Variants in MPEG1 observed in about 807,000 individuals in gnomAD.
MPEG1 encodes the protein macrophage expressed 1.
For missense variants in MPEG1, 876 were observed against 880.3 expected, an observed-to-expected ratio of 1.00 and a Z score of 0.06; for synonymous variants, 365 against 351.9, an observed-to-expected ratio of 1.04 and a Z score of -0.42.
Position 59,211,557 on chromosome 11 carries a change from G to A in MPEG1, c.1309C>T (p.Arg437Ter), listed in dbSNP as rs746216310. Residue 437 changes from arginine to a stop codon, truncating the protein, a stop_gained, in exon 1 of 1, where the codon CGA (arginine) becomes TGA (stop). Transcript: ENST00000361050. LOFTEE classifies it low-confidence loss of function (END_TRUNC). ...CAGAAGACGAGGAGAGTGCACTTTC[G>A]ATGACACTCCAGGTGGTTGTAACCC... is the stretch of plus-strand genomic sequence containing the variant. ...EEGYNHLECH[R>*]KCTLLVFCKT... is the part of the protein sequence containing the mutation. 1.2e-5 allele frequency: 20 copies of A among 1,613,878 alleles called. No homozygotes were observed. The highest frequency in any genetic ancestry group is 1.1e-4 in the East Asian group (5 of 44,894).
rs199723583 is a variant in MPEG1, at chr11:59,211,150, G to A, written c.1716C>T (p.Cys572=). Reference sequence around the variant, plus strand: ...CGGATTTGACGCAATAGGACACTTGGCATCCATCGCTGATGAGGGCTGGGT... The same window carrying A: ...CGGATTTGACGCAATAGGACACTTGACATCCATCGCTGATGAGGGCTGGGT... ...SQHPALISDG[C]QVSYCVKSGL... The change falls in exon 1 of 1, where the codon TGC becomes TGT. Residue 572 remains cysteine, a synonymous_variant. Transcript: ENST00000361050. 5 of 1,614,210 alleles carry A rather than the reference G, an allele frequency of 3.1e-6. No individual in the cohort carries two copies. Among genetic ancestry groups the A allele is most frequent in the Admixed American group, 1.7e-5 (1 of 60,028 alleles).
rs1020793835 is a variant in MPEG1, at chr11:59,208,943, A to G, written c.*1772T>C. ...AATGTAATGCATTAAAAGCCTGGGA[A>G]TTTGGGGCTATATTTTTCCTTTCTG... On this transcript the variant is annotated 3_prime_UTR_variant, in exon 1 of 1. Coordinates refer to ENST00000361050, the MANE Select transcript of MPEG1 (RefSeq NM_001039396.2). 2 of 152,218 alleles carry G rather than the reference A, an allele frequency of 1.3e-5. No individual in the cohort carries two copies. The highest frequency in any genetic ancestry group is 4.8e-5 in the African/African-American group (2 of 41,444). 9.4% of individuals were successfully genotyped at this position (152,218 alleles called of 1,614,324 possible).
rs758318206 is a variant in MPEG1, at chr11:59,211,539, C to T, written c.1327G>A (p.Val443Ile). Residue 443 changes from valine (V) to isoleucine (I), a missense_variant, in exon 1 of 1, where the codon GTC (valine) becomes ATC (isoleucine). By Grantham distance (29) the Val-to-Ile change is conservative. Transcript: ENST00000361050. ...LECHRKCTLL[V>I]FCKTVCEDVF... ...TCTTCACACACGGTCTTGCAGAAGA[C>T]GAGGAGAGTGCACTTTCGATGACAC... 1.2e-5 allele frequency: 20 copies of T among 1,614,150 alleles called. No homozygotes were observed. The highest frequency in any genetic ancestry group is 1.6e-4 in the Middle Eastern group (1 of 6,062).
chr11:59,211,567 C>A lies in MPEG1; in HGVS notation c.1299G>T (p.Leu433=). ...GGAGAGTGCACTTTCGATGACACTCCAGGTGGTTGTAACCCTCCTCGTGGA... is the reference window on the plus strand; with the variant it reads ...GGAGAGTGCACTTTCGATGACACTCAAGGTGGTTGTAACCCTCCTCGTGGA... ...SQIHEEGYNH[L]ECHRKCTLLV... is the part of the protein sequence containing the mutation. The change falls in exon 1 of 1, where the codon CTG becomes CTT. Residue 433 remains leucine (L), a synonymous_variant. Transcript: ENST00000361050. 2 of 1,614,230 alleles carry A rather than the reference C, an allele frequency of 1.2e-6. No individual in the cohort carries two copies. The highest frequency in any genetic ancestry group is 1.7e-6 in the Non-Finnish European group (2 of 1,180,046).
rs758026447 is a variant in MPEG1 at position 59,212,394 on chromosome 11, T to C, written c.472A>G (p.Thr158Ala). Reference sequence around the variant, plus strand: ...TCTAAAGTTGGGTTGATTTTGACTGTGTAGACGAGGTTTCTTACCTGAACT... The same window carrying C: ...TCTAAAGTTGGGTTGATTTTGACTGCGTAGACGAGGTTTCTTACCTGAACT... ...TRVQVRNLVY[T>A]VKINPTLELS... Residue 158 changes from threonine to alanine, a missense_variant, in exon 1 of 1, where the codon ACA (threonine) becomes GCA (alanine). By Grantham distance (58) the Thr-to-Ala change is moderately conservative. Coordinates refer to ENST00000361050, the MANE Select transcript of MPEG1 (RefSeq NM_001039396.2). The C allele has an allele frequency of 1.9e-6, 3 of 1,614,218 alleles. No homozygotes were observed. Among genetic ancestry groups the C allele is most frequent in the East Asian group, 2.2e-5 (1 of 44,888 alleles).
Position 59,210,797 on chromosome 11 carries a change from A to G in MPEG1, c.2069T>C (p.Ile690Thr). 1.2e-6 allele frequency: 2 copies of G among 1,614,104 alleles called. No individual in the cohort carries two copies. Among genetic ancestry groups the G allele is most frequent in the Non-Finnish European group, 1.7e-6 (2 of 1,180,026 alleles). Residue 690 changes from isoleucine (I) to threonine (T), a missense_variant, in exon 1 of 1, where the codon ATT becomes ACT. Ile to Thr is a moderately conservative substitution (Grantham distance 89). Transcript: ENST00000361050. ...TGGAACCAAACTCTGCCTTTCCTCAATTGCCTGATATGCTTTCTTCTTGAA... is the reference window on the plus strand; with the variant it reads ...TGGAACCAAACTCTGCCTTTCCTCAGTTGCCTGATATGCTTTCTTCTTGAA... ...RKFKKKAYQA[I>T]EERQSLVPGT... is the part of the protein sequence containing the mutation.
At position 59,211,279 on chromosome 11, in the gene MPEG1, G is replaced by T. The variant is rs201332555; in HGVS notation, c.1587C>A (p.Gly529=). The change falls in exon 1 of 1, where the codon GGC becomes GGA. Residue 529 remains glycine, a synonymous_variant. Coordinates refer to ENST00000361050, the MANE Select transcript of MPEG1 (RefSeq NM_001039396.2). The part of the protein sequence containing the change: ...ELGSRFAVPF[G]GFFSCTVGNP... ...TCCCAACTGTGCAGCTAAAGAACCC[G>T]CCAAAGGGGACCGCAAACCTGCTTC... 1.9e-6 allele frequency: 3 copies of T among 1,614,174 alleles called. No individual in the cohort carries two copies. Among genetic ancestry groups the T allele is most frequent in the Middle Eastern group, 3.3e-4 (2 of 6,062 alleles).
chr11:59,212,221 A>G lies in MPEG1; in HGVS notation c.645T>C (p.Leu215=). 6.2e-7 allele frequency: 1 copy of G among 1,613,910 alleles called. No individual in the cohort carries two copies. The highest frequency in any genetic ancestry group is 1.1e-5 in the South Asian group (1 of 91,088). ...AGGCCCTGAGGTGGTCCTCCTGAAT[A>G]AGAGCAGCCCCAGCGTCGACACTGG... ...VTTSVDAGAA[L]IQEDHLRASF... Residue 215 remains leucine (L), a synonymous_variant, in exon 1 of 1, where the codon CTT becomes CTC. Transcript: ENST00000361050.
In MPEG1 at chr11:59,210,534, T is replaced by G; in HGVS notation, c.*181A>C. On this transcript the variant is annotated 3_prime_UTR_variant, in exon 1 of 1. Transcript: ENST00000361050. ...TCACTTTTGCTTCTAGTCCCAACTG[T>G]TCCCTCTCCCCAATCCCAACCTTAT... is the stretch of plus-strand genomic sequence containing the variant. 1 of 610,096 alleles carries G rather than the reference T, an allele frequency of 1.6e-6. No homozygotes were observed. Among genetic ancestry groups the G allele is most frequent in the South Asian group, 2.1e-5 (1 of 46,572 alleles). The allele number at this position is 610,096 out of a possible 1,614,324, so 37.8% of individuals were successfully genotyped here. A position where few individuals can be genotyped will look rare whatever the true frequency, so the allele number is the denominator to read the frequency against.
In MPEG1 at chr11:59,211,556, C is replaced by T. The variant is rs571774631; in HGVS notation, c.1310G>A (p.Arg437Gln). 1.4e-5 allele frequency: 23 copies of T among 1,614,116 alleles called. 1 individual carries two copies. The highest frequency in any genetic ancestry group is 2.2e-5 in the South Asian group (2 of 91,072). Residue 437 changes from arginine to glutamine, a missense_variant, in exon 1 of 1, where the codon CGA becomes CAA. Physicochemically the swap from Arg to Gln is conservative, Grantham distance 43. Coordinates refer to ENST00000361050, the MANE Select transcript of MPEG1 (RefSeq NM_001039396.2). ...GCAGAAGACGAGGAGAGTGCACTTT[C>T]GATGACACTCCAGGTGGTTGTAACC... ...EEGYNHLECHRKCTLLVFCKT... is the reference protein window; with the variant it reads ...EEGYNHLECHQKCTLLVFCKT...
At position 59,211,318 on chromosome 11, in the gene MPEG1, C is replaced by G. The variant is rs777210006; in HGVS notation, c.1548G>C (p.Gln516His). 3 of 1,614,176 alleles carry G rather than the reference C, an allele frequency of 1.9e-6. No individual in the cohort carries two copies. The Admixed American group carries it at 5.0e-5, about 27-fold the overall frequency. The change falls in exon 1 of 1, where the codon CAG (glutamine) becomes CAC (histidine). Residue 516 changes from glutamine (Q) to histidine (H), a missense_variant. By Grantham distance (24) the Gln-to-His change is conservative. Coordinates refer to ENST00000361050, the MANE Select transcript of MPEG1 (RefSeq NM_001039396.2). ...LFENLKVCVS[Q>H]DYELGSRFAV... ...CAAACCTGCTTCCCAACTCATAGTC[C>G]TGAGAAACACATACCTTGAGGTTTT...
chr11:59,211,844 T>C lies in MPEG1; in HGVS notation c.1022A>G (p.Tyr341Cys), dbSNP rs1417448301. The change falls in exon 1 of 1, where the codon TAT (tyrosine) becomes TGT (cysteine). Residue 341 changes from tyrosine to cysteine, a missense_variant. Physicochemically the swap from Tyr to Cys is radical, Grantham distance 194. Coordinates refer to ENST00000361050, the MANE Select transcript of MPEG1 (RefSeq NM_001039396.2). ...SKTVETAVKR[Y>C]YTFNTYPGCT... ...GCCAGGGTAGGTGTTGAATGTATAA[T>C]AGCGCTTCACAGCAGTTTCCACTGT... The C allele has an allele frequency of 1.9e-6, 3 of 1,614,206 alleles. No homozygotes were observed. Among genetic ancestry groups the C allele is most frequent in the Non-Finnish European group, 2.5e-6 (3 of 1,180,034 alleles).
At position 59,212,533 on chromosome 11, in the gene MPEG1, G is replaced by A. The variant is rs1862909882; in HGVS notation, c.333C>T (p.Thr111=). 1.2e-6 allele frequency: 2 copies of A among 1,614,010 alleles called. No individual in the cohort carries two copies. Among genetic ancestry groups the A allele is most frequent in the Non-Finnish European group, 1.7e-6 (2 of 1,180,012 alleles). ...LESWANYQSS[T]SYSINTELSL... ...AGAGTTCTGTGTTGATGGAGTAGGA[G>A]GTGCTACTCTGGTAATTTGCCCAGG... The change falls in exon 1 of 1, where the codon ACC becomes ACT. Residue 111 remains threonine (T), a synonymous_variant. Transcript: ENST00000361050.
chr11:59,212,882 G>T lies in MPEG1; in HGVS notation c.-17C>A. 1 of 1,606,120 alleles carries T rather than the reference G, an allele frequency of 6.2e-7. No homozygotes were observed. Among genetic ancestry groups the T allele is most frequent in the Non-Finnish European group, 8.5e-7 (1 of 1,174,280 alleles). On this transcript the variant is annotated 5_prime_UTR_variant, in exon 1 of 1. It adds an upstream start codon to the 5' untranslated region. Coordinates refer to ENST00000361050, the MANE Select transcript of MPEG1 (RefSeq NM_001039396.2). ...GTTGTTCATGGCTCAGACAGCCCCA[G>T]CCACTCACCAGCCCTACACAGCGGC...
chr11:59,212,544 G>A lies in MPEG1; in HGVS notation c.322C>T (p.Gln108Ter). The change falls in exon 1 of 1, where the codon CAG (glutamine) becomes TAG (stop). Residue 108 changes from glutamine (Q) to a stop codon, truncating the protein, a stop_gained. Transcript: ENST00000361050. LOFTEE classifies it low-confidence loss of function (END_TRUNC). ...TTGATGGAGTAGGAGGTGCTACTCT[G>A]GTAATTTGCCCAGGATTCCAGGATT... ...SEILESWANY[Q>*]SSTSYSINTE... 1 of 1,614,186 alleles carries A rather than the reference G, an allele frequency of 6.2e-7. No homozygotes were observed. Among genetic ancestry groups the A allele is most frequent in the Non-Finnish European group, 8.5e-7 (1 of 1,180,032 alleles).
In MPEG1 at chr11:59,209,329, C is replaced by G. The variant is rs556200603; in HGVS notation, c.*1386G>C. ...TAACAAAGAGAACAGTCATCCTCCA[C>G]AGAAGATAACTCATTAATGACATTT... On this transcript the variant is annotated 3_prime_UTR_variant, in exon 1 of 1. Coordinates refer to ENST00000361050, the MANE Select transcript of MPEG1 (RefSeq NM_001039396.2). 3.9e-4 allele frequency: 60 copies of G among 152,198 alleles called. No homozygotes were observed. The highest frequency in any genetic ancestry group is 1.4e-3 in the African/African-American group (57 of 41,504). 9.4% of individuals were successfully genotyped at this position (152,198 alleles called of 1,614,324 possible). A position where few individuals can be genotyped will look rare whatever the true frequency, so the allele number is the denominator to read the frequency against.
rs756807522 is a variant in MPEG1, at chr11:59,210,937, A to T, written c.1929T>A (p.Asn643Lys). 1 of 1,614,012 alleles carries T rather than the reference A, an allele frequency of 6.2e-7. No individual in the cohort carries two copies. The highest frequency in any genetic ancestry group is 1.3e-5 in the African/African-American group (1 of 74,896). ...GACCACCACCATCCCCATGGATGACATTCATGGCCCTCCGCAGCTCTATCG... is the reference window on the plus strand; with the variant it reads ...GACCACCACCATCCCCATGGATGACTTTCATGGCCCTCCGCAGCTCTATCG... ...GEPIELRRAM[N>K]VIHGDGGGLS... Residue 643 changes from asparagine to lysine, a missense_variant, in exon 1 of 1, where the codon AAT becomes AAA. Coordinates refer to ENST00000361050, the MANE Select transcript of MPEG1 (RefSeq NM_001039396.2).
Position 59,208,984 on chromosome 11 carries a change from A to T in MPEG1, c.*1731T>A, listed in dbSNP as rs1038146516. On this transcript the variant is annotated 3_prime_UTR_variant, in exon 1 of 1. Transcript: ENST00000361050. ...TTCCTTTCTGACTCAATAATCTTCA[A>T]AGAATTCATAGGAAAGTCAGTACTT... The T allele has an allele frequency of 2.0e-5, 3 of 152,228 alleles. No individual in the cohort carries two copies. Among genetic ancestry groups the T allele is most frequent in the Admixed American group, 2.0e-4 (3 of 15,282 alleles). 9.4% of individuals were successfully genotyped at this position (152,228 alleles called of 1,614,324 possible).
chr11:59,210,337 A>C lies in MPEG1; in HGVS notation c.*378T>G. 1.6e-5 allele frequency: 3 copies of C among 187,350 alleles called. No homozygotes were observed. The highest frequency in any genetic ancestry group is 1.5e-4 in the South Asian group (1 of 6,876). The allele number at this position is 187,350 out of a possible 1,614,324, so 11.6% of individuals were successfully genotyped here. ...TAAAAGGAGAGTAGTTCTTACAGGC[A>C]GAAACTCTTAGAGCTCACAAATTGG... On this transcript the variant is annotated 3_prime_UTR_variant, in exon 1 of 1. Transcript: ENST00000361050.
Sources: gnomAD v4.1 joint callset for allele counts on GRCh38, gnomAD v4.1.1 for gene constraint, MANE v1.5 for transcripts, NCBI Gene and HGNC (gene_info 2026-07-23, HGNC 2026-07-21) for gene names.